The following FMN1 variants were observed in gnomAD, a reference collection of about 807,000 sequenced individuals.
FMN1 encodes the protein formin-1.
Under a neutral mutation model 132.4 loss-of-function variants are expected in FMN1, and 110 were observed. That is an observed-to-expected ratio of 0.83 (90% confidence interval 0.71 to 0.97). FMN1 has a LOEUF of 0.97. Ranked by LOEUF, FMN1 falls within the 50% of genes least tolerant of loss-of-function variation. FMN1 has a pLI of 0.00. For missense variants in FMN1, 1,792 were observed against 1,705.3 expected (o/e 1.05, Z -0.90); for synonymous variants, 722 against 651.7 (o/e 1.11, Z -1.64).
chr15:33,135,165 T>A (rs1051459032), intron 4 of FMN1, among the ~76,000 whole-genome samples: 2 of 152,194 alleles, frequency 1.3e-5, no homozygotes, highest in Admixed American at 1.3e-4. Flanking sequence ...TTTTTAAGTG[T>A]CAAAATTCAC....
intron 9 of FMN1, among the ~76,000 whole-genome samples, chr15:32,938,808 T>C (rs2061336907): frequency 6.6e-6 from 1 of 152,222 alleles, no homozygotes; most frequent in Non-Finnish European, 1.5e-5. Context: ...GTTTTCATGA[T>C]TTTATTTTGC....
chr15:32,856,089 A>G (rs1490458358), intron 17 of FMN1, among the ~76,000 whole-genome samples: 1 of 152,304 alleles, frequency 6.6e-6, no homozygotes, highest in East Asian at 1.9e-4. Flanking sequence ...TCTGACTCAT[A>G]GACTGAGAAT....
chr15:32,932,364 G>A (rs1297314177), intron 9 of FMN1, among the ~76,000 whole-genome samples: 1 of 152,208 alleles, frequency 6.6e-6, no homozygotes, highest in Non-Finnish European at 1.5e-5. Flanking sequence ...TTGTGCCACT[G>A]CACTCCAGCC....
rs1183364823 is a variant in FMN1 at position 32,823,884 on chromosome 15, AC to A, written c.3929-19553del. Reference sequence around the variant, plus strand: ...TTCTTCACAGAACAGGCTTCTGCGAACTCACAAGGTGGAAGGCATGGAGCCT... The same window carrying A: ...TTCTTCACAGAACAGGCTTCTGCGAATCACAAGGTGGAAGGCATGGAGCCT... On this transcript the variant is annotated intron_variant, in intron 17 of 20. Transcript: ENST00000616417. Among the ~76,000 whole-genome samples, 4 of 152,234 alleles carry A rather than the reference AC, an allele frequency of 2.6e-5. No individual in the cohort carries two copies. The East Asian group carries it at 7.7e-4, about 29-fold the overall frequency.
At chr15:33,067,533 C>G (rs780756321) in intron 5 of FMN1, 1 of 1,613,940 alleles carries the variant, frequency 6.2e-7, no homozygotes, top group South Asian at 1.1e-5. Context: ...AGCTCTTGAG[C>G]AAGGAGAGAT....
At chr15:32,801,151 AGTG>A (rs2057464670) in intron 18 of FMN1, among the ~76,000 whole-genome samples, 1 of 152,116 alleles carries the variant, frequency 6.6e-6, no homozygotes, top group African/African-American at 2.4e-5. Flanking sequence ...GAATGTCAAG[AGTG>A]ATTTGGTGGT....
chr15:33,116,824 G>A (rs955578998), intron 4 of FMN1, among the ~76,000 whole-genome samples: 1 of 152,044 alleles, frequency 6.6e-6, no homozygotes, highest in African/African-American at 2.4e-5. Flanking sequence ...CTATCCATCT[G>A]ACTTTGGGCA....
intron 7 of FMN1, among the ~76,000 whole-genome samples, chr15:33,004,773 A>C (rs915043189): frequency 2.0e-5 from 3 of 152,140 alleles, no homozygotes; most frequent in Non-Finnish European, 4.4e-5. Flanking sequence ...CAATAGCAAA[A>C]ACTTGGAACC....
chr15:32,838,852 AAAC>A (rs1277002071), intron 17 of FMN1, among the ~76,000 whole-genome samples: 10 of 152,224 alleles, frequency 6.6e-5, no homozygotes, highest in African/African-American at 1.9e-4. Flanking sequence ...ACTGAAATCT[AAAC>A]AACATGAAGA....
intron 3 of FMN1, among the ~76,000 whole-genome samples, chr15:33,156,226 G>A (rs982418729): frequency 7.3e-5 from 11 of 151,344 alleles, no homozygotes; most frequent in Admixed American, 3.3e-4. Context: ...ACCAGGAGAG[G>A]CCTTGCCTCT....
At chr15:32,829,795 A>G (rs1567234512) in intron 17 of FMN1, among the ~76,000 whole-genome samples, 1 of 152,224 alleles carries the variant, frequency 6.6e-6, no homozygotes, top group Admixed American at 6.5e-5. Context: ...TTTTGTTACC[A>G]GCATATATAA....
At chr15:32,989,869 T>C (rs1057268001) in intron 7 of FMN1, among the ~76,000 whole-genome samples, 2 of 152,102 alleles carry the variant, frequency 1.3e-5, no homozygotes, top group Admixed American at 6.6e-5. Flanking sequence ...TCTGAGGTTT[T>C]TGGCCTAGAC....
intron 7 of FMN1, among the ~76,000 whole-genome samples, chr15:32,993,911 G>GT (rs1405128642): frequency 7.1e-6 from 1 of 140,366 alleles, no homozygotes; most frequent in Non-Finnish European, 1.5e-5. Flanking sequence ...CGGGGGCGGG[G>GT]TGGGGGGGGT....
intron 16 of FMN1, among the ~76,000 whole-genome samples, chr15:32,886,570 C>G (rs1185575651): frequency 6.6e-6 from 1 of 152,144 alleles, no homozygotes; most frequent in Non-Finnish European, 1.5e-5. Context: ...TATTTATCAT[C>G]AAACGTACAG....
At chr15:32,942,169 A>G (rs2061415592) in intron 9 of FMN1, among the ~76,000 whole-genome samples, 1 of 152,256 alleles carries the variant, frequency 6.6e-6, no homozygotes, top group Non-Finnish European at 1.5e-5. Flanking sequence ...AATGCCTTCC[A>G]GAGTGGGAAA....
At chr15:33,005,508 T>C (rs1411184376) in intron 7 of FMN1, among the ~76,000 whole-genome samples, 1 of 152,214 alleles carries the variant, frequency 6.6e-6, no homozygotes, top group African/African-American at 2.4e-5. Context: ...CTCTTTTCCA[T>C]CTCCAATCTT....
intron 19 of FMN1, among the ~76,000 whole-genome samples, chr15:32,788,637 G>C (rs1300132385): frequency 1.3e-5 from 2 of 152,192 alleles, no homozygotes; most frequent in Non-Finnish European, 2.9e-5. Context: ...GGAGCTGTCA[G>C]GAGTCCCACA....
At chr15:32,900,307 C>T in intron 13 of FMN1, 182 bp from the exon 14 acceptor site, 1 of 715,856 alleles carries the variant, frequency 1.4e-6, no homozygotes, top group Non-Finnish European at 2.5e-6. Flanking sequence ...AACACATTAA[C>T]AGCCATTATT....
intron 3 of FMN1, among the ~76,000 whole-genome samples, chr15:33,160,985 C>A (rs927862105): frequency 6.6e-6 from 1 of 152,190 alleles, no homozygotes; most frequent in Non-Finnish European, 1.5e-5. Flanking sequence ...TTGTTCATAG[C>A]ATATTTCACC....
Sources: allele counts gnomAD v4.1 joint callset (sites outside exome capture counted in the v4.1 genomes callset), GRCh38; gene constraint gnomAD v4.1.1; transcripts MANE v1.5; gene names NCBI Gene and HGNC (gene_info 2026-07-23, HGNC 2026-07-21).